GABRA3: variants seen among roughly 807,000 people sequenced by gnomAD.
GABRA3 encodes the protein gamma-aminobutyric acid receptor subunit alpha-3.
Under a neutral mutation model 30.1 loss-of-function variants are expected in GABRA3, and 10 were observed. The observed-to-expected ratio is 0.33, with a 90% CI of 0.20 to 0.56. The LOEUF (loss-of-function observed/expected upper bound fraction) is 0.56. GABRA3 is among the 20% of genes least tolerant of loss of function. The pLI is 0.89. For synonymous variants in GABRA3, 151 were observed against 146.8 expected (o/e 1.03, Z -0.21); for missense variants, 233 against 392.0 (o/e 0.59, Z 3.42).
chrX:152,370,098 T>C (rs1190534083), intron 1 of GABRA3, among the ~76,000 whole-genome samples: 1 of 111,950 alleles, frequency 8.9e-6, no homozygotes, highest in African/African-American at 3.2e-5. Context: ...AAACGTAAAA[T>C]GCCTAGTTAA....
chrX:152,271,357 C>T (rs958580540), intron 4 of GABRA3, among the ~76,000 whole-genome samples: 1 of 111,795 alleles, frequency 8.9e-6, no homozygotes, highest in African/African-American at 3.3e-5. Flanking sequence ...GGTTGAGAAA[C>T]TTGGGGGGAA....
intron 7 of GABRA3, among the ~76,000 whole-genome samples, chrX:152,200,547 C>G (rs921815033): frequency 9.1e-5 from 10 of 110,276 alleles, no homozygotes; most frequent in African/African-American, 3.0e-4. Flanking sequence ...CTGTGTGCAT[C>G]TCTACTTCTT....
At chrX:152,324,738 C>G (rs1443379210) in intron 3 of GABRA3, among the ~76,000 whole-genome samples, 2 of 110,991 alleles carry the variant, frequency 1.8e-5, no homozygotes, top group African/African-American at 6.5e-5. Flanking sequence ...AAATAGAAAG[C>G]TTTATGTGGC....
At chrX:152,389,220 C>CAT (rs1260253267) in intron 1 of GABRA3, 1 of 111,926 alleles carries the variant, frequency 8.9e-6, no homozygotes, top group African/African-American at 3.2e-5. Flanking sequence ...TCAAGAAGAC[C>CAT]ATAGCACATA....
At position 152,267,389 on chromosome X, in the gene GABRA3, T is replaced by C. The variant is rs756073949; in HGVS notation, c.331-11391A>G. On this transcript the variant is annotated intron_variant, in intron 4 of 9. Coordinates refer to ENST00000370314, the MANE Select transcript of GABRA3 (RefSeq NM_000808.4). ...ACTTGATTATGGTGAATAAACTTTT[T>C]AATGTATTGTTGTATTTGCTTTGCT... Among the ~76,000 whole-genome samples, 5 of 112,112 alleles carry C rather than the reference T, an allele frequency of 4.5e-5. No individual in the cohort carries two copies. The Admixed American group carries it at 4.7e-4, about 11-fold the overall frequency.
At chrX:152,319,725 G>T (rs1387176140) in intron 3 of GABRA3, among the ~76,000 whole-genome samples, 1 of 111,278 alleles carries the variant, frequency 9.0e-6, no homozygotes, top group Non-Finnish European at 1.9e-5. Context: ...AAGATAAATA[G>T]GTGGGACTTA....
intron 3 of GABRA3, among the ~76,000 whole-genome samples, chrX:152,327,018 G>A (rs1200781457): frequency 8.7e-5 from 9 of 103,426 alleles, no homozygotes; most frequent in Admixed American, 6.3e-4. Flanking sequence ...GACCTACCAA[G>A]CAAATGGAAA....
intron 1 of GABRA3, among the ~76,000 whole-genome samples, chrX:152,440,327 C>T (rs1162185752): frequency 8.9e-6 from 1 of 112,427 alleles, no homozygotes; most frequent in Non-Finnish European, 1.9e-5. Flanking sequence ...GAGATACCAT[C>T]TCACACCAGT....
intron 3 of GABRA3, among the ~76,000 whole-genome samples, chrX:152,315,970 GACCC>G (rs1939869916): frequency 7.1e-4 from 14 of 19,776 alleles, no homozygotes; most frequent in African/African-American, 1.1e-3. Flanking sequence ...CCCGCCCCCC[GACCC>G]CCCCCCCCCC....
intron 1 of GABRA3, among the ~76,000 whole-genome samples, chrX:152,369,309 C>G (rs1233549425): frequency 4.5e-5 from 5 of 111,042 alleles, no homozygotes; most frequent in Admixed American, 9.6e-5. Flanking sequence ...GTGTATATAC[C>G]TTGAAACATC....
intron 1 of GABRA3, among the ~76,000 whole-genome samples, chrX:152,397,973 A>T (rs1929704516): frequency 8.9e-6 from 1 of 111,827 alleles, no homozygotes; most frequent in African/African-American, 3.2e-5. Flanking sequence ...ACACCCTCTA[A>T]GGCTACCCTG....
intron 3 of GABRA3, among the ~76,000 whole-genome samples, chrX:152,330,026 A>T (rs763609855): frequency 8.9e-6 from 1 of 112,031 alleles, no homozygotes; most frequent in Admixed American, 9.4e-5. Context: ...ACCTCATCAA[A>T]AAGTGGGCAA....
chrX:152,190,421 G>A (rs776816286), intron 8 of GABRA3, among the ~76,000 whole-genome samples: 17 of 111,234 alleles, frequency 1.5e-4, no homozygotes, highest in Non-Finnish European at 3.2e-4. Flanking sequence ...GGCTCCTTGC[G>A]AAACTGCTCA....
intron 3 of GABRA3, among the ~76,000 whole-genome samples, chrX:152,342,320 T>G (rs1386704661): frequency 8.9e-6 from 1 of 112,277 alleles, no homozygotes; most frequent in Non-Finnish European, 1.9e-5. Flanking sequence ...GAAATGTCTA[T>G]TAATGTCATT....
intron 2 of GABRA3, among the ~76,000 whole-genome samples, chrX:152,352,034 T>A (rs958130843): frequency 2.7e-5 from 3 of 111,082 alleles, no homozygotes; most frequent in Non-Finnish European, 5.7e-5. Context: ...AATAATAACA[T>A]CAAAGATCAC....
intron 4 of GABRA3, among the ~76,000 whole-genome samples, chrX:152,269,589 A>C (rs1330489372): frequency 8.9e-6 from 1 of 112,349 alleles, no homozygotes; most frequent in Non-Finnish European, 1.9e-5. Flanking sequence ...TTCAAAACTT[A>C]CTGTAAAGCA....
At chrX:152,444,582 G>A (rs372735083) in intron 1 of GABRA3, among the ~76,000 whole-genome samples, 1 of 110,544 alleles carries the variant, frequency 9.0e-6, no homozygotes, top group African/African-American at 3.3e-5. Flanking sequence ...TGTACTGGGT[G>A]ATAAGACTGC....
chrX:152,226,134 T>A (rs1486058094), intron 5 of GABRA3, among the ~76,000 whole-genome samples: 2 of 111,859 alleles, frequency 1.8e-5, no homozygotes, highest in South Asian at 3.8e-4. Context: ...GTGTCTCCAT[T>A]TCTCACTCTT....
In GABRA3 at chrX:152,327,312, G is replaced by T. The variant is rs760465294; in HGVS notation, c.262+18269C>A. 6.5e-3 allele frequency among the ~76,000 whole-genome samples: 722 copies of T among 110,763 alleles called. 4 individuals are homozygous for T. The highest frequency in any genetic ancestry group is 0.028 in the Middle Eastern group (6 of 215). ...ATCAACGAGACAGAAAGTTAACAAG[G>T]ATATCCAGGAATTGAACTCAGCTCT... On this transcript the variant is annotated intron_variant, in intron 3 of 9. Transcript: ENST00000370314.
Sources: allele counts gnomAD v4.1 joint callset (sites outside exome capture counted in the v4.1 genomes callset), GRCh38; gene constraint gnomAD v4.1.1; transcripts MANE v1.5; gene names NCBI Gene and HGNC (gene_info 2026-07-23, HGNC 2026-07-21).